Variants in MRPL1 observed in about 807,000 individuals in gnomAD.
MRPL1 encodes mitochondrial ribosomal protein L1.
In MRPL1, 28 loss-of-function variants were observed where a neutral mutation model predicts 38.0. The ratio of observed to expected loss-of-function variants is 0.74; its 90% CI spans 0.55 to 1.01. The LOEUF is 1.01. Among genes scored for constraint, MRPL1 ranks in the 50% least tolerant of loss-of-function variants. The pLI is 0.00. For missense variants in MRPL1, 358 were observed against 389.8 expected (o/e 0.92, Z 0.69); for synonymous variants, 123 against 126.7 (o/e 0.97, Z 0.20).
chr4:77,877,514 G>A (rs1438763107), intron 2 of MRPL1, among the ~76,000 whole-genome samples: 1 of 151,478 alleles, frequency 6.6e-6, no homozygotes, highest in Non-Finnish European at 1.5e-5. Flanking sequence ...GTGATGGGGT[G>A]GGGTGGGGTG....
At chr4:77,887,896 G>T (rs1446105433) in intron 5 of MRPL1, among the ~76,000 whole-genome samples, 7 of 151,914 alleles carry the variant, frequency 4.6e-5, no homozygotes, top group Non-Finnish European at 1.0e-4. Context: ...CTTCTTTTTT[G>T]TCTGAGAGTT....
Position 77,911,339 on chromosome 4 carries a change from G to A in MRPL1, c.777+1967G>A, listed in dbSNP as rs939959540. 3.9e-5 allele frequency among the ~76,000 whole-genome samples: 6 copies of A among 151,992 alleles called. No individual in the cohort carries two copies. The East Asian group carries it at 5.8e-4, about 15-fold the overall frequency. ...TCAGAATATAAGAAACCATGACATC[G>A]CATTCATTTCTTTCAACAAATACCA... On this transcript the variant is annotated intron_variant, in intron 7 of 8. Coordinates refer to ENST00000315567, the MANE Select transcript of MRPL1 (RefSeq NM_020236.4).
At chr4:77,942,345 T>G (rs1461637196) in intron 7 of MRPL1, among the ~76,000 whole-genome samples, 2 of 152,190 alleles carry the variant, frequency 1.3e-5, no homozygotes, top group Non-Finnish European at 1.5e-5. Flanking sequence ...CTGCAGTTGT[T>G]GGGTAGAATG....
chr4:77,864,078 A>T (rs575590667), intron 1 of MRPL1, among the ~76,000 whole-genome samples: 26 of 151,750 alleles, frequency 1.7e-4, no homozygotes, highest in African/African-American at 6.0e-4. Flanking sequence ...TAGGGGTGAC[A>T]AGAGATAACA....
At chr4:77,940,801 ATCATGTG>A (rs1560475893) in intron 7 of MRPL1, among the ~76,000 whole-genome samples, 1 of 152,198 alleles carries the variant, frequency 6.6e-6, no homozygotes. Flanking sequence ...TATTGAAATG[ATCATGTG>A]ATTTTTGTTT....
At chr4:77,923,012 T>C (rs1177018762) in intron 7 of MRPL1, among the ~76,000 whole-genome samples, 2 of 152,246 alleles carry the variant, frequency 1.3e-5, no homozygotes, top group Non-Finnish European at 2.9e-5. Context: ...GTTTGCTGTT[T>C]GTTTAAATAT....
intron 6 of MRPL1, among the ~76,000 whole-genome samples, chr4:77,903,549 C>G (rs1236401531): frequency 6.6e-6 from 1 of 152,070 alleles, no homozygotes; most frequent in Non-Finnish European, 1.5e-5. Context: ...TGATACTAAG[C>G]TATTTTAGTG....
intron 7 of MRPL1, among the ~76,000 whole-genome samples, chr4:77,946,814 G>A (rs761830702): frequency 1.4e-4 from 21 of 152,034 alleles, no homozygotes; most frequent in Non-Finnish European, 2.4e-4. Context: ...CTTTCCCCAG[G>A]AGTCTTTCTT....
At chr4:77,928,393 T>C (rs1736766098) in intron 7 of MRPL1, among the ~76,000 whole-genome samples, 1 of 152,226 alleles carries the variant, frequency 6.6e-6, no homozygotes, top group African/African-American at 2.4e-5. Flanking sequence ...TGCTTACATC[T>C]ACAAACAATA....
At chr4:77,940,057 T>A (rs1042494711) in intron 7 of MRPL1, among the ~76,000 whole-genome samples, 1 of 152,086 alleles carries the variant, frequency 6.6e-6, no homozygotes, top group Non-Finnish European at 1.5e-5. Context: ...ATTTTAGGAT[T>A]TTTTTTTCTA....
chr4:77,926,798 G>A (rs898169688), intron 7 of MRPL1, among the ~76,000 whole-genome samples: 4 of 151,712 alleles, frequency 2.6e-5, no homozygotes, highest in African/African-American at 9.7e-5. Context: ...TAGTAGAGAC[G>A]GGGCTTCGTC....
At chr4:77,887,117 A>G (rs1209419648) in intron 4 of MRPL1, 103 bp from the exon 5 acceptor site, 2 of 949,036 alleles carry the variant, frequency 2.1e-6, no homozygotes, top group Non-Finnish European at 3.3e-6. Context: ...AAAAGCTACA[A>G]TTTGTACTTT....
chr4:77,898,392 TTGAATGAATGAATGAA>T (rs35144776), intron 6 of MRPL1, among the ~76,000 whole-genome samples: 7 of 150,962 alleles, frequency 4.6e-5, no homozygotes, highest in Non-Finnish European at 7.4e-5. Context: ...CTACAAATAT[TTGAATGAATGAATGAA>T]TGAATGAATG....
At position 77,885,262 on chromosome 4, in the gene MRPL1, G is replaced by A. The variant is rs773663338; in HGVS notation, c.409G>A (p.Val137Met). Reference protein sequence around the residue: ...LDMALGKKKNVEPFTSVLSLP... With the variant: ...LDMALGKKKNMEPFTSVLSLP... ...TTCCTTGTCATGTGTTTAGAAAAAC[G>A]TGGAGCCATTTACCAGTGTTCTTAG... The change falls in exon 4 of 9, where the codon GTG (valine) becomes ATG (methionine). Residue 137 changes from valine to methionine, a missense_variant. Coordinates refer to ENST00000315567, the MANE Select transcript of MRPL1 (RefSeq NM_020236.4). 1.2e-5 allele frequency: 19 copies of A among 1,612,064 alleles called. 1 individual carries two copies. Among genetic ancestry groups the A allele is most frequent in the Admixed American group, 3.3e-5 (2 of 59,986 alleles).
At chr4:77,926,942 C>T (rs775744105) in intron 7 of MRPL1, among the ~76,000 whole-genome samples, 44 of 151,954 alleles carry the variant, frequency 2.9e-4, no homozygotes, top group Non-Finnish European at 4.9e-4. Flanking sequence ...TTTCAGGTTT[C>T]TCTTCTGTCT....
chr4:77,883,611 C>T (rs1254819827), intron 3 of MRPL1, 111 bp downstream of exon 3: 13 of 1,144,094 alleles, frequency 1.1e-5, no homozygotes, highest in African/African-American at 1.6e-5. Flanking sequence ...GTCTTCTTGC[C>T]GTGTTGCCCA....
chr4:77,919,804 A>G (rs545199304), intron 7 of MRPL1, among the ~76,000 whole-genome samples: 1 of 145,896 alleles, frequency 6.9e-6, no homozygotes, highest in Admixed American at 6.8e-5. Context: ...TAAAATATAT[A>G]TATTCAAGAA....
chr4:77,874,029 T>C (rs6813266), intron 2 of MRPL1, among the ~76,000 whole-genome samples: 2,012 of 151,746 alleles, frequency 0.013, 52 homozygotes, highest in African/African-American at 0.046. Context: ...GATGGATTCT[T>C]GCACTGTCAC....
At chr4:77,931,284 G>C (rs756941817) in intron 7 of MRPL1, among the ~76,000 whole-genome samples, 1 of 152,202 alleles carries the variant, frequency 6.6e-6, no homozygotes, top group African/African-American at 2.4e-5. Context: ...ATTCTTAGTG[G>C]CTAACCACAT....
Sources: gnomAD v4.1 joint callset for allele counts (sites outside exome capture counted in the v4.1 genomes callset) on GRCh38, gnomAD v4.1.1 for gene constraint, MANE v1.5 for transcripts, NCBI Gene and HGNC (gene_info 2026-07-23, HGNC 2026-07-21) for gene names.